The following OTOGL variants were observed in gnomAD, a reference collection of about 807,000 sequenced individuals.
The protein encoded by OTOGL is otogelin-like protein.
A neutral mutation model predicts 318.5 loss-of-function variants in OTOGL; 285 were observed. That is an observed-to-expected ratio of 0.89 (90% confidence interval 0.81 to 0.99). The LOEUF is 0.99. Among genes scored for constraint, OTOGL ranks in the 50% least tolerant of loss-of-function variants. The pLI, the probability that OTOGL is intolerant of heterozygous loss-of-function variation, is 0.00. For synonymous variants in OTOGL, 987 were observed against 936.5 expected (o/e 1.05, Z -0.99); for missense variants, 2,899 against 2,845.6 (o/e 1.02, Z -0.43).
At chr12:80,266,680 T>A in intron 21 of OTOGL, 64 bp downstream of exon 21, 1 of 1,441,376 alleles carries the variant, frequency 6.9e-7, no homozygotes, top group South Asian at 1.3e-5. Context: ...ACGGGCTAAA[T>A]GAGCTTTCAT....
chr12:80,135,700 T>G (rs939136666), intron 1 of OTOGL, among the ~76,000 whole-genome samples: 1 of 152,252 alleles, frequency 6.6e-6, no homozygotes, highest in Non-Finnish European at 1.5e-5. Context: ...GACTAGGCCA[T>G]GGGATATCTA....
At chr12:80,188,544 A>AT (rs1469131320) in intron 1 of OTOGL, among the ~76,000 whole-genome samples, 4 of 149,492 alleles carry the variant, frequency 2.7e-5, no homozygotes, top group South Asian at 2.1e-4. Context: ...TCTCAAAAAA[A>AT]AAATAATAAT....
Position 80,257,978 on chromosome 12 carries a change from A to G in OTOGL, c.1865A>G (p.Asn622Ser). The change falls in exon 18 of 59, where the codon AAT becomes AGT. Residue 622 changes from asparagine (N) to serine (S), a missense_variant. Coordinates refer to ENST00000547103, the MANE Select transcript of OTOGL (RefSeq NM_001378609.3). Reference protein sequence around the residue: ...RRTLGLCGTFNGNIRDDFLSP... With the variant: ...RRTLGLCGTFSGNIRDDFLSP... ...ACATTAGGTCTGTGTGGCACTTTTA[A>G]TGGCAACATAAGGGATGATTTTCTG... The G allele has an allele frequency of 6.3e-7, 1 of 1,591,772 alleles. No homozygotes were observed. The highest frequency in any genetic ancestry group is 8.5e-7 in the Non-Finnish European group (1 of 1,177,350).
At chr12:80,194,684 A>T (rs1305057809) in intron 1 of OTOGL, among the ~76,000 whole-genome samples, 1 of 152,202 alleles carries the variant, frequency 6.6e-6, no homozygotes, top group Admixed American at 6.5e-5. Context: ...AGCGCTCTAA[A>T]ATATATTTAA....
Position 80,380,648 on chromosome 12 carries a change from A to G in OTOGL, c.*2600A>G, listed in dbSNP as rs1192239521. 6.6e-6 allele frequency: 1 copy of G among 152,226 alleles called. No homozygotes were observed. The allele number at this position is 152,226 out of a possible 1,614,324, so 9.4% of individuals were successfully genotyped here. A position where few individuals can be genotyped will look rare whatever the true frequency, so the allele number is the denominator to read the frequency against. On this transcript the variant is annotated 3_prime_UTR_variant, in exon 59 of 59. Coordinates refer to ENST00000547103, the MANE Select transcript of OTOGL (RefSeq NM_001378609.3). The stretch of plus-strand genomic sequence containing the variant: ...TTTTATTTTTTAAGGCTCTGGGAAG[A>G]TAAGCACTCTCACATGTCATTGATG...
chr12:80,256,496 T>TCGAACAAA lies in OTOGL; in HGVS notation c.1711+37_1711+38insGAACAAAC, dbSNP rs147846753. On this transcript the variant is annotated intron_variant, in intron 17 of 58. Transcript: ENST00000547103. ...GTGCTAATGGTGTACTTTCTTTACA[T>TCGAACAAA]CAAACAAACAAACAAACAAACAAAC... is the stretch of plus-strand genomic sequence containing the variant. 3 of 1,391,870 alleles carry TCGAACAAA rather than the reference T, an allele frequency of 2.2e-6. No individual in the cohort carries two copies. In the African/African-American group the frequency reaches 4.4e-5, roughly 20 times the overall value. The allele number at this position is 1,391,870 out of a possible 1,614,324, so 86.2% of individuals were successfully genotyped here. A position where few individuals can be genotyped will look rare whatever the true frequency, so the allele number is the denominator to read the frequency against.
intron 52 of OTOGL, among the ~76,000 whole-genome samples, chr12:80,359,820 T>C (rs1301564391): frequency 6.6e-6 from 1 of 152,238 alleles, no homozygotes; most frequent in Admixed American, 6.5e-5. Flanking sequence ...AGTAGAATTA[T>C]GATGCCATGT....
chr12:80,121,244 G>T (rs1419375880), intron 1 of OTOGL, among the ~76,000 whole-genome samples: 3 of 152,146 alleles, frequency 2.0e-5, no homozygotes, highest in Non-Finnish European at 4.4e-5. Context: ...CAGGAACAAG[G>T]AGACTCATGA....
intron 26 of OTOGL, among the ~76,000 whole-genome samples, chr12:80,284,084 T>A: frequency 6.6e-6 from 1 of 152,162 alleles, no homozygotes; most frequent in East Asian, 1.9e-4. Context: ...TGTGTCCATG[T>A]GTTCTCATTG....
At chr12:80,156,146 C>T (rs572430090) in intron 1 of OTOGL, among the ~76,000 whole-genome samples, 3 of 152,324 alleles carry the variant, frequency 2.0e-5, no homozygotes, top group East Asian at 3.9e-4. Flanking sequence ...CAGACCCTAT[C>T]CTCAATCTGG....
rs778681002 is a variant in OTOGL at position 80,336,939 on chromosome 12, T to C, written c.4795T>C (p.Cys1599Arg). ...TCCCTCTGGAAGAATCTCTGGACTT[T>C]GTTTTAAGAAGTTAAATGTGACAAC... is the stretch of plus-strand genomic sequence containing the variant. ...LAPSGRISGL[C>R]FKKLNVTTPI... The change falls in exon 42 of 59, where the codon TGT (cysteine) becomes CGT (arginine). Residue 1599 changes from cysteine (C) to arginine (R), a missense_variant. By Grantham distance (180) the Cys-to-Arg change is radical. Transcript: ENST00000547103. The C allele has an allele frequency of 1.1e-5, 18 of 1,594,302 alleles. No homozygotes were observed. The East Asian group carries it at 3.8e-4, about 34-fold the overall frequency.
chr12:80,101,074 G>A (rs1259811045), intron 1 of OTOGL, among the ~76,000 whole-genome samples: 3 of 152,144 alleles, frequency 2.0e-5, no homozygotes, highest in African/African-American at 7.2e-5. Context: ...TGCAATGAAA[G>A]GTAAAATGAA....
chr12:80,104,946 A>G (rs1869368629), intron 1 of OTOGL, among the ~76,000 whole-genome samples: 2 of 152,070 alleles, frequency 1.3e-5, no homozygotes, highest in Admixed American at 1.3e-4. Flanking sequence ...AATTCAACAG[A>G]TTAGCCAGAC....
At position 80,153,323 on chromosome 12, in the gene OTOGL, G is replaced by T. The variant is rs914935287; in HGVS notation, c.-20+53718G>T. 4.6e-5 allele frequency among the ~76,000 whole-genome samples: 7 copies of T among 152,168 alleles called. No individual in the cohort carries two copies. The East Asian group carries it at 1.4e-3, about 30-fold the overall frequency. The stretch of plus-strand genomic sequence containing the variant: ...GTTCTTTGGAGTCTCTTTTATAAGG[G>T]CATTAATCCCATCCACAAGGGTTCC... On this transcript the variant is annotated intron_variant, in intron 1 of 58. Transcript: ENST00000547103.
In OTOGL at chr12:80,251,874, T is replaced by C. The variant is rs887039022; in HGVS notation, c.1159+75T>C. ...TAAACCTAGAACTCAAAACTTACTG[T>C]ACTACTCAATACTAATGAATTGCAA... On this transcript the variant is annotated intron_variant, in intron 12 of 58. Coordinates refer to ENST00000547103, the MANE Select transcript of OTOGL (RefSeq NM_001378609.3). The C allele has an allele frequency of 1.4e-5, 18 of 1,258,316 alleles. No individual in the cohort carries two copies. The South Asian group carries it at 2.5e-4, about 17-fold the overall frequency. The allele number at this position is 1,258,316 out of a possible 1,614,324, so 77.9% of individuals were successfully genotyped here.
intron 50 of OTOGL, 135 bp downstream of exon 50, chr12:80,358,484 C>A: frequency 1.2e-6 from 1 of 838,110 alleles, no homozygotes; most frequent in Non-Finnish European, 1.8e-6. Context: ...CACCAGTACT[C>A]TTTTTGTACC....
chr12:80,252,274 C>A (rs1340579332), intron 13 of OTOGL, 73 bp downstream of exon 13: 2 of 1,423,408 alleles, frequency 1.4e-6, no homozygotes, highest in African/African-American at 2.9e-5. Flanking sequence ...ATCACATCTT[C>A]GTTTTGCTGT....
intron 44 of OTOGL, among the ~76,000 whole-genome samples, chr12:80,351,082 A>G (rs1889514733): frequency 6.6e-6 from 1 of 152,152 alleles, no homozygotes; most frequent in Non-Finnish European, 1.5e-5. Context: ...TTTTTTGTAT[A>G]TGATGTGAAT....
At chr12:80,142,185 A>G (rs1592488488) in intron 1 of OTOGL, among the ~76,000 whole-genome samples, 1 of 152,214 alleles carries the variant, frequency 6.6e-6, no homozygotes, top group East Asian at 1.9e-4. Context: ...TGAGTCATAT[A>G]TAATTTTAAG....
Sources: gnomAD v4.1 joint callset for allele counts (sites outside exome capture counted in the v4.1 genomes callset) on GRCh38, gnomAD v4.1.1 for gene constraint, MANE v1.5 for transcripts, NCBI Gene and HGNC (gene_info 2026-07-23, HGNC 2026-07-21) for gene names.